The following CHST8 variants were observed in gnomAD, a reference collection of about 807,000 sequenced individuals.
The protein encoded by CHST8 is GALNAC-4-ST1.
CHST8 carries 10 observed loss-of-function variants against 15.0 expected under a neutral mutation model. The observed-to-expected ratio is 0.67, with a 90% CI of 0.41 to 1.13. The LOEUF (loss-of-function observed/expected upper bound fraction) is 1.13, where lower values mean the gene tolerates loss of function less well. CHST8 is among the 50% of genes most tolerant of loss of function. The pLI, the probability that CHST8 is intolerant of heterozygous loss-of-function variation, is 0.00. For synonymous variants in CHST8, 259 were observed against 256.6 expected (o/e 1.01, Z -0.09); for missense variants, 634 against 608.2 (o/e 1.04, Z -0.45).
rs186459329 is a variant in CHST8, at chr19:33,625,868, T to A, written c.-164+3572T>A. On this transcript the variant is annotated intron_variant, in intron 1 of 4. Transcript: ENST00000650847. ...CAAAGCGAGACTGTCTCAAAATAAA[T>A]TTTTTTTTTTAAATTGAGGTTGGTG... 8.0e-3 allele frequency among the ~76,000 whole-genome samples: 1,192 copies of A among 149,932 alleles called. 13 individuals carry two copies. The highest frequency in any genetic ancestry group is 0.027 in the African/African-American group (1,103 of 40,904).
intron 3 of CHST8, among the ~76,000 whole-genome samples, chr19:33,691,742 C>A (rs983209215): frequency 8.5e-5 from 13 of 152,212 alleles, no homozygotes; most frequent in Admixed American, 3.3e-4. Flanking sequence ...GGGCCCTTGA[C>A]AATTCTCCCT....
At chr19:33,692,265 A>T (rs974599153) in intron 3 of CHST8, among the ~76,000 whole-genome samples, 8 of 152,344 alleles carry the variant, frequency 5.3e-5, no homozygotes, top group Non-Finnish European at 8.8e-5. Context: ...CTCCAGTTAT[A>T]ATTCTTTTCC....
At chr19:33,712,563 C>T (rs1053081337) in intron 3 of CHST8, among the ~76,000 whole-genome samples, 22 of 152,164 alleles carry the variant, frequency 1.4e-4, no homozygotes, top group African/African-American at 5.1e-4. Context: ...GGCTGGGGGA[C>T]TTATCCAAGC....
chr19:33,689,222 GC>G lies in CHST8; in HGVS notation c.-34del. On this transcript the variant is annotated 5_prime_UTR_variant, in exon 3 of 5. The change creates a premature stop within an existing upstream ORF in the 5' untranslated region. Transcript: ENST00000650847. ...GGTGTGGACGATGAGGGAAGAACGT[GC>G]CCCCCACACCCAAGAGGTGACCCCT... The G allele has an allele frequency of 4.7e-6, 7 of 1,501,546 alleles. No homozygotes were observed. Among genetic ancestry groups the G allele is most frequent in the Non-Finnish European group, 5.3e-6 (6 of 1,125,284 alleles). The allele number at this position is 1,501,546 out of a possible 1,614,324, so 93.0% of individuals were successfully genotyped here. A position where few individuals can be genotyped will look rare whatever the true frequency, so the allele number is the denominator to read the frequency against.
intron 4 of CHST8, 88 bp from the exon 5 acceptor site, chr19:33,771,869 C>A (rs896485717): frequency 8.8e-5 from 127 of 1,448,024 alleles, no homozygotes; most frequent in Non-Finnish European, 1.1e-4. Context: ...GGGACAGGAA[C>A]CCCAGCCGTG....
chr19:33,630,950 C>T (rs746699396), intron 1 of CHST8, among the ~76,000 whole-genome samples: 1 of 152,184 alleles, frequency 6.6e-6, no homozygotes, highest in East Asian at 1.9e-4. Context: ...AGCCTGGGTC[C>T]GGGCTTCCCC....
intron 3 of CHST8, among the ~76,000 whole-genome samples, chr19:33,694,093 CATATATATATATATATATATAT>C (rs3040787): frequency 0.28 from 8,855 of 31,470 alleles, 1,099 homozygotes; most frequent in Middle Eastern, 0.57. Flanking sequence ...GTAGTTTATT[CATATATATATATATATATATAT>C]ATATATATAT....
chr19:33,704,548 C>T (rs1168860377), intron 3 of CHST8, among the ~76,000 whole-genome samples: 4 of 152,232 alleles, frequency 2.6e-5, no homozygotes, highest in African/African-American at 9.6e-5. Flanking sequence ...CAGCCCAGAG[C>T]TCTGTGCAGG....
At chr19:33,641,796 G>C (rs962118949) in intron 1 of CHST8, among the ~76,000 whole-genome samples, 2 of 152,112 alleles carry the variant, frequency 1.3e-5, no homozygotes, top group Admixed American at 1.3e-4. Flanking sequence ...TGGGACTCCC[G>C]CTGTCATCGC....
At chr19:33,655,552 A>G (rs1972501276) in intron 1 of CHST8, among the ~76,000 whole-genome samples, 1 of 152,192 alleles carries the variant, frequency 6.6e-6, no homozygotes, top group South Asian at 2.1e-4. Flanking sequence ...CTGCCTGAGG[A>G]CAGTGCCTTT....
At chr19:33,626,782 C>CT (rs1972059227) in intron 1 of CHST8, among the ~76,000 whole-genome samples, 1 of 118,888 alleles carries the variant, frequency 8.4e-6, no homozygotes, top group Non-Finnish European at 1.9e-5. Context: ...CTTTTTTTTT[C>CT]CTTTTTTTTT....
chr19:33,701,994 G>GTTTT (rs1294885809), intron 3 of CHST8, among the ~76,000 whole-genome samples: 2 of 152,094 alleles, frequency 1.3e-5, no homozygotes, highest in Non-Finnish European at 2.9e-5. Context: ...TTGTTTGTTT[G>GTTTT]TTTTTGTTTT....
chr19:33,741,066 T>C (rs1004574856), intron 3 of CHST8, among the ~76,000 whole-genome samples: 3 of 152,208 alleles, frequency 2.0e-5, no homozygotes, highest in African/African-American at 4.8e-5. Context: ...TCAGAACTGT[T>C]TGTGGTGTCA....
chr19:33,744,090 C>G (rs1173513867), intron 3 of CHST8, among the ~76,000 whole-genome samples: 1 of 152,232 alleles, frequency 6.6e-6, no homozygotes, highest in Non-Finnish European at 1.5e-5. Context: ...CGTGCCCAGC[C>G]TCTCTGATCT....
intron 2 of CHST8, among the ~76,000 whole-genome samples, chr19:33,687,419 A>G (rs189708131): frequency 4.9e-4 from 74 of 152,322 alleles, no homozygotes; most frequent in Non-Finnish European, 9.6e-4. Flanking sequence ...GGTGGATGAC[A>G]GGAAGCAGCA....
At chr19:33,719,474 C>T (rs866991484) in intron 3 of CHST8, among the ~76,000 whole-genome samples, 7 of 152,214 alleles carry the variant, frequency 4.6e-5, no homozygotes, top group Middle Eastern at 6.8e-3. Context: ...GAGGCAGACA[C>T]GAAGTCCAAA....
At position 33,771,392 on chromosome 19, in the gene CHST8, TCTC is replaced by T; in HGVS notation, c.131-17_131-15del. ...TGTGGCAGATCCGCTAATACTGTCCTCTCCTCTGTTTGCTTTTCAGGAATAAAG... is the reference window on the plus strand; with the variant it reads ...TGTGGCAGATCCGCTAATACTGTCCTCTCTGTTTGCTTTTCAGGAATAAAG... On this transcript the variant is annotated intron_variant, in intron 3 of 4. Transcript: ENST00000650847. The T allele has an allele frequency of 6.2e-7, 1 of 1,613,750 alleles. No individual in the cohort carries two copies. Among genetic ancestry groups the T allele is most frequent in the Non-Finnish European group, 8.5e-7 (1 of 1,179,714 alleles).
intron 3 of CHST8, among the ~76,000 whole-genome samples, chr19:33,704,907 T>A (rs1973417508): frequency 6.9e-6 from 1 of 144,454 alleles, no homozygotes; most frequent in African/African-American, 2.7e-5. Flanking sequence ...AGATGCTGTC[T>A]TAAAAAAAAA....
chr19:33,749,577 A>G (rs1447057879), intron 3 of CHST8, among the ~76,000 whole-genome samples: 4 of 152,014 alleles, frequency 2.6e-5, no homozygotes, highest in African/African-American at 9.7e-5. Context: ...AGATGAAGAC[A>G]GCGGTGATGA....
Sources: allele counts gnomAD v4.1 joint callset (sites outside exome capture counted in the v4.1 genomes callset), GRCh38; gene constraint gnomAD v4.1.1; transcripts MANE v1.5; gene names NCBI Gene and HGNC (gene_info 2026-07-23, HGNC 2026-07-21).